The following SOS1 variants were observed in gnomAD, a reference collection of about 807,000 sequenced individuals.
SOS1 encodes the protein SOS Ras/Rac guanine nucleotide exchange factor 1, also known as son of sevenless homolog 1.
Under a neutral mutation model 157.6 loss-of-function variants are expected in SOS1, and 25 were observed. The observed-to-expected ratio is 0.16, with a 90% CI of 0.12 to 0.22. The LOEUF (loss-of-function observed/expected upper bound fraction) is 0.22, where lower values mean the gene tolerates loss of function less well. Ranked by LOEUF, SOS1 falls within the 10% of genes least tolerant of loss-of-function variation. The pLI, the probability that SOS1 is intolerant of heterozygous loss-of-function variation, is 1.00. For missense variants in SOS1, 1,237 were observed against 1,599.1 expected (o/e 0.77, Z 3.86); for synonymous variants, 528 against 534.0 (o/e 0.99, Z 0.16).
At chr2:39,082,850 C>T (rs1273200472) in intron 1 of SOS1, among the ~76,000 whole-genome samples, 2 of 152,120 alleles carry the variant, frequency 1.3e-5, no homozygotes. Context: ...TTGGGGCATA[C>T]ACGTAGACTG....
At chr2:39,102,392 G>C (rs1306464629) in intron 1 of SOS1, among the ~76,000 whole-genome samples, 1 of 150,154 alleles carries the variant, frequency 6.7e-6, no homozygotes, top group African/African-American at 2.4e-5. Context: ...GGGTGTGGTG[G>C]TACACACTTG....
intron 1 of SOS1, among the ~76,000 whole-genome samples, chr2:39,110,031 TGTGTGTGC>T (rs1314261952): frequency 4.1e-4 from 52 of 125,926 alleles, no homozygotes; most frequent in African/African-American, 1.6e-3. Context: ...TACAGTTGTG[TGTGTGTGC>T]GTGTGTGTGT....
chr2:38,994,978 T>C (rs1668843664), intron 20 of SOS1, 145 bp downstream of exon 20: 2 of 656,200 alleles, frequency 3.0e-6, no homozygotes, highest in Non-Finnish European at 5.1e-6. Context: ...GAATTTGTCT[T>C]ATATTTTTAT....
chr2:39,061,532 T>C (rs955974438), intron 2 of SOS1, among the ~76,000 whole-genome samples: 3 of 152,050 alleles, frequency 2.0e-5, no homozygotes, highest in Non-Finnish European at 4.4e-5. Context: ...GGACTATAAG[T>C]ACGTGCACCA....
chr2:38,989,552 T>C (rs569641670), intron 20 of SOS1, among the ~76,000 whole-genome samples: 45 of 18,966 alleles, frequency 2.4e-3, no homozygotes, highest in Non-Finnish European at 4.2e-3. Context: ...ATGAAAAACA[T>C]TCATAAAAAA....
Position 39,111,935 on chromosome 2 carries a change from G to C in SOS1, c.87+8401C>G, listed in dbSNP as rs1052283475. On this transcript the variant is annotated intron_variant, in intron 1 of 22. Coordinates refer to ENST00000402219, the MANE Select transcript of SOS1 (RefSeq NM_005633.4). The stretch of plus-strand genomic sequence containing the variant: ...GGTAGAAGTGAGGTTTTGCCATGTT[G>C]GCCAGGCTGGTCTTGAACTCCTGAG... Among the ~76,000 whole-genome samples the C allele has an allele frequency of 4.0e-5, 6 of 151,860 alleles. No individual in the cohort carries two copies. The South Asian group carries it at 1.2e-3, about 32-fold the overall frequency.
chr2:39,040,946 A>G (rs1258017922), intron 6 of SOS1, among the ~76,000 whole-genome samples: 1 of 152,230 alleles, frequency 6.6e-6, no homozygotes, highest in Non-Finnish European at 1.5e-5. Context: ...GCTCTGTTTT[A>G]TATTTCTATC....
At chr2:39,096,823 T>A (rs1572889818) in intron 1 of SOS1, among the ~76,000 whole-genome samples, 1 of 151,818 alleles carries the variant, frequency 6.6e-6, no homozygotes, top group Admixed American at 6.6e-5. Context: ...GAGGTGGAGC[T>A]TGCAGTGAGC....
chr2:39,082,734 A>G (rs906458710), intron 1 of SOS1: 27 of 152,340 alleles, frequency 1.8e-4, no homozygotes, highest in African/African-American at 6.3e-4. Context: ...GGCCGAAAAC[A>G]TGGATCTGGA....
At chr2:39,111,282 G>A in intron 1 of SOS1, among the ~76,000 whole-genome samples, 1 of 152,024 alleles carries the variant, frequency 6.6e-6, no homozygotes, top group Non-Finnish European at 1.5e-5. Context: ...GGGATGGATA[G>A]GCATGCCATA....
intron 1 of SOS1, among the ~76,000 whole-genome samples, chr2:39,118,848 A>G (rs1673757999): frequency 6.6e-6 from 1 of 152,258 alleles, no homozygotes. Context: ...AAGGGCCACC[A>G]GTGTGGCAGA....
chr2:39,105,222 T>C (rs1458074374), intron 1 of SOS1, among the ~76,000 whole-genome samples: 1 of 152,136 alleles, frequency 6.6e-6, no homozygotes, highest in South Asian at 2.1e-4. Context: ...TACAAAAAGT[T>C]TGTATCAATT....
chr2:39,079,051 ACT>A lies in SOS1; in HGVS notation c.88-11300_88-11299del, dbSNP rs1162821177. 6.9e-3 allele frequency among the ~76,000 whole-genome samples: 123 copies of A among 17,744 alleles called. 1 individual carries two copies. The highest frequency in any genetic ancestry group is 0.032 in the African/African-American group (116 of 3,672). The allele number at this position is 17,744 out of a possible 152,430, so 11.6% of individuals were successfully genotyped here. On this transcript the variant is annotated intron_variant, in intron 1 of 22. Transcript: ENST00000402219. ...CTCCAGCCTGGGTGACAAGAGGGAG[ACT>A]CTGTCTCCCAAAAAAAAAAAAAAAA...
intron 8 of SOS1, 49 bp downstream of exon 8, chr2:39,035,163 A>T (rs1176777219): frequency 7.5e-7 from 1 of 1,336,838 alleles, no homozygotes; most frequent in Admixed American, 1.8e-5. Flanking sequence ...AGCAAAAAAA[A>T]AAATTCACAC....
chr2:39,005,076 T>A (rs1669239517), intron 17 of SOS1, among the ~76,000 whole-genome samples: 1 of 152,220 alleles, frequency 6.6e-6, no homozygotes, highest in African/African-American at 2.4e-5. Flanking sequence ...CCCCAGTGGA[T>A]ACCTGAAACT....
At chr2:39,005,902 C>T (rs1669267819) in intron 17 of SOS1, among the ~76,000 whole-genome samples, 1 of 151,892 alleles carries the variant, frequency 6.6e-6, no homozygotes. Flanking sequence ...GAGGAACCTA[C>T]AGAAAGGGAG....
chr2:39,038,887 A>C (rs867055126), intron 6 of SOS1, among the ~76,000 whole-genome samples: 11 of 152,248 alleles, frequency 7.2e-5, no homozygotes, highest in African/African-American at 2.4e-4. Flanking sequence ...ATACTGAAAG[A>C]ATTTCTACTG....
At chr2:39,095,131 C>G (rs1672725599) in intron 1 of SOS1, among the ~76,000 whole-genome samples, 1 of 152,108 alleles carries the variant, frequency 6.6e-6, no homozygotes, top group Admixed American at 6.5e-5. Flanking sequence ...AGTTACAAAC[C>G]AGCTGTTCAA....
intron 6 of SOS1, 60 bp downstream of exon 6, chr2:39,051,084 A>T (rs1300929045): frequency 2.0e-6 from 3 of 1,499,242 alleles, no homozygotes; most frequent in Admixed American, 3.3e-5. Context: ...AAGACTCTCA[A>T]TTTTAATGTA....
Sources: allele counts gnomAD v4.1 joint callset (sites outside exome capture counted in the v4.1 genomes callset), GRCh38; gene constraint gnomAD v4.1.1; transcripts MANE v1.5; gene names NCBI Gene and HGNC (gene_info 2026-07-23, HGNC 2026-07-21).